The following BORCS7 variants were observed in gnomAD, a reference collection of about 807,000 sequenced individuals.
The protein encoded by BORCS7 is BLOC-1 related complex subunit 7.
BORCS7 carries 20 observed loss-of-function variants against 17.5 expected under a neutral mutation model. The observed-to-expected ratio is 1.14, with a 90% CI of 0.80 to 1.66. BORCS7 has a LOEUF of 1.66. Ranked by LOEUF, BORCS7 falls within the 40% of genes most tolerant of loss-of-function variation. BORCS7 has a pLI of 0.00. For missense variants in BORCS7, 122 were observed against 129.7 expected, an observed-to-expected ratio of 0.94 and a Z score of 0.29; for synonymous variants, 57 against 49.8, an observed-to-expected ratio of 1.14 and a Z score of -0.61.
chr10:102,856,107 G>A (rs1265974428), intron 1 of BORCS7, among the ~76,000 whole-genome samples: 1 of 152,124 alleles, frequency 6.6e-6, no homozygotes, highest in African/African-American at 2.4e-5. Context: ...GGGTCTCTGG[G>A]GAGAGAGCCT....
chr10:102,857,052 C>T (rs1157273414), intron 1 of BORCS7, among the ~76,000 whole-genome samples: 3 of 152,152 alleles, frequency 2.0e-5, no homozygotes, highest in African/African-American at 7.2e-5. Context: ...CCATTTTTCT[C>T]TAGAATTACA....
chr10:102,860,261 A>G, intron 1 of BORCS7, 71 bp from the exon 2 acceptor site: 2 of 1,349,860 alleles, frequency 1.5e-6, no homozygotes, highest in East Asian at 2.4e-5. Context: ...GTAGTAGTGT[A>G]ACAGCTGCAG....
At chr10:102,857,304 A>G (rs1844442970) in intron 1 of BORCS7, among the ~76,000 whole-genome samples, 1 of 152,202 alleles carries the variant, frequency 6.6e-6, no homozygotes, top group South Asian at 2.1e-4. Flanking sequence ...GTAAGGGCAT[A>G]TGTTAAACAC....
At chr10:102,859,735 G>T (rs1844487469) in intron 1 of BORCS7, among the ~76,000 whole-genome samples, 1 of 151,060 alleles carries the variant, frequency 6.6e-6, no homozygotes, top group Non-Finnish European at 1.5e-5. Context: ...CAGCTAACTT[G>T]TATTTTTCGG....
chr10:102,862,436 T>C (rs1844536585), intron 4 of BORCS7, among the ~76,000 whole-genome samples: 1 of 152,234 alleles, frequency 6.6e-6, no homozygotes, highest in Non-Finnish European at 1.5e-5. Flanking sequence ...GTAGAAAACC[T>C]TTTACATTGG....
chr10:102,859,142 CTTTTCTTTTT>C (rs1298070691), intron 1 of BORCS7, among the ~76,000 whole-genome samples: 2 of 137,964 alleles, frequency 1.4e-5, no homozygotes, highest in African/African-American at 5.3e-5. Context: ...CCTTTCTTTT[CTTTTCTTTTT>C]TTTTTTTTTG....
At chr10:102,854,789 G>T (rs1844397500) in intron 1 of BORCS7, among the ~76,000 whole-genome samples, 1 of 151,252 alleles carries the variant, frequency 6.6e-6, no homozygotes, top group African/African-American at 2.4e-5. Flanking sequence ...GCCGAGCGTG[G>T]TGGCACATGC....
chr10:102,854,789 G>A (rs1844397500), intron 1 of BORCS7, among the ~76,000 whole-genome samples: 1 of 151,252 alleles, frequency 6.6e-6, no homozygotes, highest in East Asian at 1.9e-4. Flanking sequence ...GCCGAGCGTG[G>A]TGGCACATGC....
rs941880319 is a variant in BORCS7, at chr10:102,862,191, C to A, written c.269+11C>A. The A allele has an allele frequency of 6.2e-7, 1 of 1,608,020 alleles. No homozygotes were observed. The highest frequency in any genetic ancestry group is 2.2e-5 in the East Asian group (1 of 44,824). ...AGCTATTCAGAAGAAGTAAGTAACC[C>A]CAAAGGTAGAGGAGTAGGGAACCAA... On this transcript the variant is annotated intron_variant, in intron 4 of 4. Coordinates refer to ENST00000339834, the MANE Select transcript of BORCS7 (RefSeq NM_001136200.2).
chr10:102,861,703 G>A (rs1243338269), intron 3 of BORCS7, among the ~76,000 whole-genome samples: 1 of 149,888 alleles, frequency 6.7e-6, no homozygotes, highest in Non-Finnish European at 1.5e-5. Context: ...TGGCGACAGA[G>A]TGAGACTCTG....
chr10:102,857,613 T>C (rs926881889), intron 1 of BORCS7, among the ~76,000 whole-genome samples: 8 of 152,116 alleles, frequency 5.3e-5, no homozygotes, highest in Non-Finnish European at 5.9e-5. Flanking sequence ...ATAGGAGATA[T>C]TTGTAACAGT....
intron 4 of BORCS7, 100 bp downstream of exon 4, chr10:102,862,280 C>A: frequency 8.8e-7 from 1 of 1,137,154 alleles, no homozygotes. Context: ...CTGGTTGACA[C>A]CTGCCCTCAA....
At chr10:102,855,830 G>A (rs1387075059) in intron 1 of BORCS7, among the ~76,000 whole-genome samples, 2 of 151,862 alleles carry the variant, frequency 1.3e-5, no homozygotes, top group Non-Finnish European at 2.9e-5. Context: ...GCCCGATCTC[G>A]GGCTCACTGC....
chr10:102,860,724 T>A (rs1844503650), intron 3 of BORCS7, 183 bp downstream of exon 3: 2 of 652,648 alleles, frequency 3.1e-6, no homozygotes, highest in Non-Finnish European at 5.4e-6. Context: ...GGGTAAAGGA[T>A]GAGAATCAGG....
chr10:102,859,587 A>G (rs1281357722), intron 1 of BORCS7, among the ~76,000 whole-genome samples: 2 of 135,500 alleles, frequency 1.5e-5, no homozygotes, highest in African/African-American at 5.6e-5. Flanking sequence ...TTTTTTTGAG[A>G]CAGGGTCTTG....
intron 3 of BORCS7, 99 bp from the exon 4 acceptor site, chr10:102,862,061 C>A: frequency 8.8e-7 from 1 of 1,139,098 alleles, no homozygotes; most frequent in Non-Finnish European, 1.3e-6. Context: ...CAGGATGTGA[C>A]ATAAGCTGAA....
intron 1 of BORCS7, among the ~76,000 whole-genome samples, chr10:102,859,243 A>G (rs1469730706): frequency 2.0e-5 from 3 of 151,618 alleles, no homozygotes; most frequent in East Asian, 3.9e-4. Context: ...CCCAAGTTCA[A>G]GAGATTCTCC....
In BORCS7 at chr10:102,863,905, AATC is replaced by A. The variant is rs1464109195; in HGVS notation, c.*986_*988del. On this transcript the variant is annotated 3_prime_UTR_variant, in exon 5 of 5. Transcript: ENST00000339834. ...TTGACTTTCATTTTGTAATTTTGCT[AATC>A]ATCAGCAAATTCACTTGCATGACGT... 2.6e-5 allele frequency: 4 copies of A among 152,352 alleles called. No homozygotes were observed. The highest frequency in any genetic ancestry group is 7.2e-5 in the African/African-American group (3 of 41,588). 9.4% of individuals were successfully genotyped at this position (152,352 alleles called of 1,614,324 possible). A position where few individuals can be genotyped will look rare whatever the true frequency, so the allele number is the denominator to read the frequency against.
intron 1 of BORCS7, among the ~76,000 whole-genome samples, chr10:102,857,671 A>G (rs1342390369): frequency 2.0e-5 from 3 of 152,204 alleles, no homozygotes; most frequent in East Asian, 3.8e-4. Flanking sequence ...TTGTACCACT[A>G]CTTACCGTGG....
Sources: gnomAD v4.1 joint callset for allele counts (sites outside exome capture counted in the v4.1 genomes callset) on GRCh38, gnomAD v4.1.1 for gene constraint, MANE v1.5 for transcripts, NCBI Gene and HGNC (gene_info 2026-07-23, HGNC 2026-07-21) for gene names.